The following HSPA12B variants were observed in gnomAD, a reference collection of about 807,000 sequenced individuals.
The protein encoded by HSPA12B is heat shock protein family A (Hsp70) member 12B.
In HSPA12B, 54 loss-of-function variants were observed where a neutral mutation model predicts 69.3. The observed-to-expected ratio is 0.78, with a 90% CI of 0.63 to 0.98. HSPA12B has a LOEUF of 0.98. HSPA12B is among the 50% of genes least tolerant of loss of function. HSPA12B has a pLI of 0.00. For missense variants in HSPA12B, 929 were observed against 999.8 expected (o/e 0.93, Z 0.96); for synonymous variants, 441 against 436.5 (o/e 1.01, Z -0.13).
intron 4 of HSPA12B, 36 bp downstream of exon 4, chr20:3,742,444 A>G (rs611073): frequency 0.94 from 1,411,721 of 1,497,918 alleles, 666,039 homozygotes; most frequent in South Asian, 0.99. Flanking sequence ...GAGGTGGGGA[A>G]GGTGGGGAGT....
intron 11 of HSPA12B, 70 bp downstream of exon 11, chr20:3,750,297 G>A (rs553187145): frequency 2.1e-6 from 3 of 1,433,776 alleles, no homozygotes; most frequent in Middle Eastern, 2.0e-4. Flanking sequence ...GGAGGGTCCC[G>A]GGCCCCAAGG....
rs2088376253 is a variant in HSPA12B, at chr20:3,749,796, G to A, written c.984G>A (p.Leu328=). 3 of 1,608,072 alleles carry A rather than the reference G, an allele frequency of 1.9e-6. No homozygotes were observed. The highest frequency in any genetic ancestry group is 2.5e-6 in the Non-Finnish European group (3 of 1,178,508). ...ACTGCGGCGGAGGCACCGTGGACCTGACGGTGCACCAGCTGGAGCAGCCCC... is the reference window on the plus strand; with the variant it reads ...ACTGCGGCGGAGGCACCGTGGACCTAACGGTGCACCAGCTGGAGCAGCCCC... The part of the protein sequence containing the change: ...VADCGGGTVD[L]TVHQLEQPHG... The change falls in exon 10 of 13, where the codon CTG becomes CTA. Residue 328 remains leucine, a synonymous_variant. Transcript: ENST00000254963. The surrounding 1 kb of genome is among the most constrained non-coding windows in gnomAD (Gnocchi z 5.5).
chr20:3,737,460 A>T lies in HSPA12B; in HGVS notation c.-17-1198A>T, dbSNP rs779217360. Among the ~76,000 whole-genome samples, 1 of 151,380 alleles carries T rather than the reference A, an allele frequency of 6.6e-6. No individual in the cohort carries two copies. Among genetic ancestry groups the T allele is most frequent in the Non-Finnish European group, 1.5e-5 (1 of 67,766 alleles). ...GGCAACAGAGTGAAACTCCATCTTA[A>T]GAAAAGAAGTTCTAGCTCATGTCAC... On this transcript the variant is annotated intron_variant, in intron 1 of 12. Coordinates refer to ENST00000254963, the MANE Select transcript of HSPA12B (RefSeq NM_052970.5). This position sits in a 1 kb window ranked among gnomAD's most constrained non-coding sequence, Gnocchi z 4.1.
chr20:3,740,262 T>C lies in HSPA12B; in HGVS notation c.44-553T>C, dbSNP rs974545932. ...AGGTGCTCCCCCTCCTCGATCCTCC[T>C]CAAGCAGCCAGCTGGGCCTGTCTGT... On this transcript the variant is annotated intron_variant, in intron 2 of 12. Coordinates refer to ENST00000254963, the MANE Select transcript of HSPA12B (RefSeq NM_052970.5). This position sits in a 1 kb window ranked among gnomAD's most constrained non-coding sequence, Gnocchi z 4.9. Among the ~76,000 whole-genome samples, 3 of 152,134 alleles carry C rather than the reference T, an allele frequency of 2.0e-5. No homozygotes were observed. Among genetic ancestry groups the C allele is most frequent in the African/African-American group, 7.2e-5 (3 of 41,418 alleles).
chr20:3,735,193 T>A (rs2088089502), intron 1 of HSPA12B, among the ~76,000 whole-genome samples: 1 of 152,224 alleles, frequency 6.6e-6, no homozygotes, highest in South Asian at 2.1e-4. Flanking sequence ...ACTCCCTGCT[T>A]TTATCAATAC....
At position 3,751,910 on chromosome 20, in the gene HSPA12B, G is replaced by A. The variant is rs2088431359; in HGVS notation, c.1805G>A (p.Arg602Gln). ...RSYCPARPGQ[R>Q]RVLINLYCCA... ...TACTGCCCGGCGCGTCCCGGCCAGCGGCGCGTACTCATCAACCTGTACTGC... is the reference window on the plus strand; with the variant it reads ...TACTGCCCGGCGCGTCCCGGCCAGCAGCGCGTACTCATCAACCTGTACTGC... Residue 602 changes from arginine to glutamine, a missense_variant, in exon 13 of 13, where the codon CGG (arginine) becomes CAG (glutamine). Around this residue, in one of 3 missense-constraint regions of HSPA12B, gnomAD observed 448 missense variants for 448.1 expected, o/e 1.00. Transcript: ENST00000254963. 1.3e-6 allele frequency: 2 copies of A among 1,581,454 alleles called. No homozygotes were observed. The highest frequency in any genetic ancestry group is 2.3e-5 in the East Asian group (1 of 43,226).
chr20:3,745,932 C>T lies in HSPA12B; in HGVS notation c.576C>T (p.Ser192=), dbSNP rs1379347297. 1 of 1,614,018 alleles carries T rather than the reference C, an allele frequency of 6.2e-7. No homozygotes were observed. Residue 192 remains serine, a synonymous_variant, in exon 7 of 13, where the codon AGC becomes AGT. Coordinates refer to ENST00000254963, the MANE Select transcript of HSPA12B (RefSeq NM_052970.5). The surrounding 1 kb of genome is among the most constrained non-coding windows in gnomAD (Gnocchi z 5.6). ...TGTACCAGGAGCTGAGGGAGCAGAG[C>T]CCATCGCTGCCAGAGAAGGACACTG... ...EHALQELREQ[S]PSLPEKDTVR...
chr20:3,745,663 G>C lies in HSPA12B; in HGVS notation c.558+66G>C. On this transcript the variant is annotated intron_variant, in intron 6 of 12. Transcript: ENST00000254963. This position sits in a 1 kb window ranked among gnomAD's most constrained non-coding sequence, Gnocchi z 5.6. ...CCCTATTTTCCCCTCATCCGAAACC[G>C]CTCCCCCATCCCGTCCCCGACATTG... 1 of 1,421,316 alleles carries C rather than the reference G, an allele frequency of 7.0e-7. No individual in the cohort carries two copies. Among genetic ancestry groups the C allele is most frequent in the Non-Finnish European group, 9.9e-7 (1 of 1,012,612 alleles). 88.0% of individuals were successfully genotyped at this position (1,421,316 alleles called of 1,614,324 possible).
chr20:3,748,405 G>A lies in HSPA12B; in HGVS notation c.850+14G>A, dbSNP rs527554028. 1.2e-5 allele frequency: 18 copies of A among 1,564,370 alleles called. No individual in the cohort carries two copies. The East Asian group carries it at 1.2e-4, about 10-fold the overall frequency. The stretch of plus-strand genomic sequence containing the variant: ...GCTTCCGTCAGGGTGAGCTGCCCCC[G>A]GGGACACCACCCACCCCTGGAGGGT... On this transcript the variant is annotated intron_variant, in intron 8 of 12. Transcript: ENST00000254963.
At position 3,737,342 on chromosome 20, in the gene HSPA12B, C is replaced by T. The variant is rs2088124836; in HGVS notation, c.-17-1316C>T. ...CCTCACCTCCCTTCAGCTTTAGCGC[C>T]CTCCAACTACTGCCCTCACATGTAT... On this transcript the variant is annotated intron_variant, in intron 1 of 12. Coordinates refer to ENST00000254963, the MANE Select transcript of HSPA12B (RefSeq NM_052970.5). This position sits in a 1 kb window ranked among gnomAD's most constrained non-coding sequence, Gnocchi z 4.1. Among the ~76,000 whole-genome samples, 1 of 152,196 alleles carries T rather than the reference C, an allele frequency of 6.6e-6. No individual in the cohort carries two copies. The highest frequency in any genetic ancestry group is 2.1e-4 in the South Asian group (1 of 4,838).
chr20:3,738,026 G>C (rs912994472), intron 1 of HSPA12B, among the ~76,000 whole-genome samples: 1 of 152,090 alleles, frequency 6.6e-6, no homozygotes, highest in East Asian at 1.9e-4. Flanking sequence ...GACAAATTGA[G>C]TCATGCCCCC....
Position 3,749,572 on chromosome 20 carries a change from T to TG in HSPA12B, c.938-177dup. ...CTGGAACCATTTCTGCCCCACACCC[T>TG]GCGCCCATATGTGGTGGTCTGAGGT... On this transcript the variant is annotated intron_variant, in intron 9 of 12. Transcript: ENST00000254963. The surrounding 1 kb of genome is among the most constrained non-coding windows in gnomAD (Gnocchi z 5.5). Among the ~76,000 whole-genome samples, 1 of 152,270 alleles carries TG rather than the reference T, an allele frequency of 6.6e-6. No homozygotes were observed. Among genetic ancestry groups the TG allele is most frequent in the Admixed American group, 6.5e-5 (1 of 15,304 alleles).
intron 2 of HSPA12B, among the ~76,000 whole-genome samples, chr20:3,739,408 C>T (rs1178847958): frequency 6.6e-6 from 1 of 152,236 alleles, no homozygotes; most frequent in Non-Finnish European, 1.5e-5. Flanking sequence ...CTGGCCATAG[C>T]CTGGTCTGGG....
intron 1 of HSPA12B, among the ~76,000 whole-genome samples, chr20:3,734,737 A>AT (rs35209985): frequency 0.042 from 4,994 of 120,272 alleles, 281 homozygotes; most frequent in African/African-American, 0.099. Flanking sequence ...CTTTAACACA[A>AT]TTTTTTTTTT....
chr20:3,740,759 C>A lies in HSPA12B; in HGVS notation c.44-56C>A. 1 of 1,491,544 alleles carries A rather than the reference C, an allele frequency of 6.7e-7. No individual in the cohort carries two copies. Among genetic ancestry groups the A allele is most frequent in the East Asian group, 2.4e-5 (1 of 42,520 alleles). 92.4% of individuals were successfully genotyped at this position (1,491,544 alleles called of 1,614,324 possible). ...ACCTTTGGGTGCCTGGCTTGGGGCC[C>A]CGCTGCCATACCTACCCTGCTTGTG... is the stretch of plus-strand genomic sequence containing the variant. On this transcript the variant is annotated intron_variant, in intron 2 of 12. Coordinates refer to ENST00000254963, the MANE Select transcript of HSPA12B (RefSeq NM_052970.5). The surrounding 1 kb of genome is among the most constrained non-coding windows in gnomAD (Gnocchi z 4.9).
chr20:3,743,015 A>G (rs1419735791), intron 4 of HSPA12B, among the ~76,000 whole-genome samples: 5 of 150,944 alleles, frequency 3.3e-5, no homozygotes, highest in Admixed American at 6.6e-5. Context: ...CTGGGACTAC[A>G]GGCGACCGCC....
chr20:3,748,071 C>A, intron 7 of HSPA12B, 146 bp from the exon 8 acceptor site: 1 of 729,808 alleles, frequency 1.4e-6, no homozygotes, highest in Non-Finnish European at 2.1e-6. Context: ...TTGTGCAGCA[C>A]AGAGGGGCCT....
intron 1 of HSPA12B, among the ~76,000 whole-genome samples, chr20:3,735,680 G>T (rs1293972448): frequency 6.6e-6 from 1 of 152,030 alleles, no homozygotes; most frequent in African/African-American, 2.4e-5. Context: ...TGGCCAGGCT[G>T]GTCTCGAATT....
chr20:3,751,954 C>T lies in HSPA12B; in HGVS notation c.1849C>T (p.Arg617Cys), dbSNP rs1600334292. The change falls in exon 13 of 13, where the codon CGC becomes TGC. Residue 617 changes from arginine to cysteine, a missense_variant. Around this residue, in one of 3 missense-constraint regions of HSPA12B, gnomAD observed 448 missense variants for 448.1 expected, o/e 1.00. Transcript: ENST00000254963. ...GTACTGCTGCGCGGCAGAGGATGCG[C>T]GCTTCATCACCGACCCCGGCGTGCG... ...NLYCCAAEDARFITDPGVRKC... is the reference protein window; with the variant it reads ...NLYCCAAEDACFITDPGVRKC... 8 of 1,583,066 alleles carry T rather than the reference C, an allele frequency of 5.1e-6. No homozygotes were observed. Among genetic ancestry groups the T allele is most frequent in the East Asian group, 2.3e-5 (1 of 43,514 alleles).
Sources: allele counts gnomAD v4.1 joint callset (sites outside exome capture counted in the v4.1 genomes callset), GRCh38; gene constraint gnomAD v4.1.1; regional missense constraint gnomAD v4.1.1; non-coding constraint Gnocchi (gnomAD v3.1); transcripts MANE v1.5; gene names NCBI Gene and HGNC (gene_info 2026-07-23, HGNC 2026-07-21).